The following RELN variants were observed in gnomAD, a reference collection of about 807,000 sequenced individuals.
RELN encodes reelin.
RELN carries 108 observed loss-of-function variants against 427.6 expected under a neutral mutation model. The observed-to-expected ratio is 0.25, with a 90% CI of 0.22 to 0.30. The LOEUF is 0.30. RELN is among the 10% of genes least tolerant of loss of function. RELN has a pLI of 1.00. For synonymous variants in RELN, 1,524 were observed against 1,513.4 expected, an observed-to-expected ratio of 1.01 and a Z score of -0.16; for missense variants, 3,715 against 4,302.8, an observed-to-expected ratio of 0.86 and a Z score of 3.82.
At chr7:103,952,156 C>G (rs1796345965) in intron 1 of RELN, among the ~76,000 whole-genome samples, 1 of 152,140 alleles carries the variant, frequency 6.6e-6, no homozygotes, top group South Asian at 2.1e-4. Context: ...CTTATTTAAC[C>G]AGTAGTTTTG....
chr7:103,929,404 T>C (rs1430216407), intron 1 of RELN, among the ~76,000 whole-genome samples: 2 of 152,142 alleles, frequency 1.3e-5, no homozygotes, highest in East Asian at 3.9e-4. Flanking sequence ...TTCGAATAGC[T>C]AGACTTTCCC....
intron 38 of RELN, among the ~76,000 whole-genome samples, chr7:103,554,234 G>GC (rs1830476227): frequency 7.1e-6 from 1 of 140,062 alleles, no homozygotes. Flanking sequence ...TATACTTTCT[G>GC]GGGGAAAAAA....
chr7:103,794,628 G>T (rs538239847), intron 3 of RELN, among the ~76,000 whole-genome samples: 37 of 152,248 alleles, frequency 2.4e-4, no homozygotes, highest in Middle Eastern at 3.4e-3. Context: ...ATGAAATGAT[G>T]CAATTCCCGA....
chr7:103,794,231 C>G (rs1367280297), intron 3 of RELN, among the ~76,000 whole-genome samples: 1 of 152,158 alleles, frequency 6.6e-6, no homozygotes, highest in African/African-American at 2.4e-5. Flanking sequence ...TTTAGAATCT[C>G]TGGGCTCAAG....
At chr7:103,614,207 G>A (rs967817203) in intron 20 of RELN, among the ~76,000 whole-genome samples, 2 of 152,186 alleles carry the variant, frequency 1.3e-5, no homozygotes, top group African/African-American at 4.8e-5. Flanking sequence ...CTTAGCAACT[G>A]TATCTGTTCA....
chr7:103,588,797 T>C (rs1831339627), intron 28 of RELN, among the ~76,000 whole-genome samples: 1 of 152,048 alleles, frequency 6.6e-6, no homozygotes, highest in Admixed American at 6.6e-5. Context: ...ATAAGAAATC[T>C]CCAAAAATAC....
intron 3 of RELN, among the ~76,000 whole-genome samples, chr7:103,818,804 G>T (rs574722533): frequency 1.3e-5 from 2 of 151,712 alleles, no homozygotes; most frequent in African/African-American, 2.4e-5. Context: ...ATAATGTAAT[G>T]TTAGAGTTTT....
intron 6 of RELN, among the ~76,000 whole-genome samples, chr7:103,745,839 G>A (rs1170447462): frequency 1.3e-5 from 2 of 152,118 alleles, no homozygotes; most frequent in African/African-American, 4.8e-5. Flanking sequence ...TGGCCATACT[G>A]CCCAAGGTAA....
intron 3 of RELN, among the ~76,000 whole-genome samples, chr7:103,786,191 T>C (rs1030192359): frequency 2.6e-5 from 4 of 151,886 alleles, no homozygotes; most frequent in African/African-American, 4.8e-5. Flanking sequence ...TTTAAATACA[T>C]AAAAGTATTA....
chr7:103,787,237 G>A (rs1301490679), intron 3 of RELN, among the ~76,000 whole-genome samples: 1 of 152,028 alleles, frequency 6.6e-6, no homozygotes, highest in East Asian at 1.9e-4. Flanking sequence ...ATGCCCACAG[G>A]AGAAAGCAGG....
intron 24 of RELN, among the ~76,000 whole-genome samples, chr7:103,596,867 C>T (rs1314331665): frequency 6.6e-6 from 1 of 152,186 alleles, no homozygotes; most frequent in Non-Finnish European, 1.5e-5. Context: ...TTAATGTCTA[C>T]ATTACTGATT....
chr7:103,970,003 C>T (rs1796730600), intron 1 of RELN, among the ~76,000 whole-genome samples: 1 of 152,210 alleles, frequency 6.6e-6, no homozygotes, highest in Non-Finnish European at 1.5e-5. Context: ...TCAATACTCA[C>T]AGTCATTTGA....
intron 40 of RELN, among the ~76,000 whole-genome samples, chr7:103,551,653 G>A (rs34712248): frequency 2.0e-5 from 3 of 151,798 alleles, no homozygotes; most frequent in African/African-American, 7.3e-5. Flanking sequence ...CTAACTGTTA[G>A]CTTCCCCCCC....
chr7:103,571,626 T>C (rs1265638882), intron 31 of RELN, among the ~76,000 whole-genome samples: 1 of 152,184 alleles, frequency 6.6e-6, no homozygotes, highest in Non-Finnish European at 1.5e-5. Context: ...CTAATTATAT[T>C]ACTTATGGCA....
In RELN at chr7:103,629,183, C is replaced by T. The variant is rs144701164; in HGVS notation, c.2702+757G>A. ...AGGTAGCTTTCTCCGAGAAGCCTCT[C>T]GGGAGTTTCCTATGTAAAGTAGCCA... On this transcript the variant is annotated intron_variant, in intron 20 of 64. Coordinates refer to ENST00000428762, the MANE Select transcript of RELN (RefSeq NM_005045.4). Among the ~76,000 whole-genome samples the T allele has an allele frequency of 2.8e-4, 42 of 152,252 alleles. No homozygotes were observed. In the East Asian group the frequency reaches 7.1e-3, roughly 26 times the overall value.
rs1832326741 is a variant in RELN, at chr7:103,626,269, A to G, written c.2702+3671T>C. ...TTTGAAATCAGGCCTACGACCTCAAAGCCTATGTTTCTACCACACCATATT... is the reference window on the plus strand; with the variant it reads ...TTTGAAATCAGGCCTACGACCTCAAGGCCTATGTTTCTACCACACCATATT... On this transcript the variant is annotated intron_variant, in intron 20 of 64. Transcript: ENST00000428762. This position sits in a 1 kb window ranked among gnomAD's most constrained non-coding sequence, Gnocchi z 4.4. Among the ~76,000 whole-genome samples, 1 of 152,102 alleles carries G rather than the reference A, an allele frequency of 6.6e-6. No individual in the cohort carries two copies. Among genetic ancestry groups the G allele is most frequent in the Admixed American group, 6.5e-5 (1 of 15,272 alleles).
chr7:103,795,224 A>G (rs73415030), intron 3 of RELN, among the ~76,000 whole-genome samples: 1,759 of 152,348 alleles, frequency 0.012, 37 homozygotes, highest in African/African-American at 0.039. Flanking sequence ...ACTCTGCAGT[A>G]GATATCTATA....
intron 2 of RELN, among the ~76,000 whole-genome samples, chr7:103,896,866 T>C (rs1794972473): frequency 6.6e-6 from 1 of 152,064 alleles, no homozygotes; most frequent in South Asian, 2.1e-4. Context: ...TAAATTACTA[T>C]ATTAGTCTGT....
At chr7:103,613,922 A>C (rs977785203) in intron 20 of RELN, among the ~76,000 whole-genome samples, 3 of 152,218 alleles carry the variant, frequency 2.0e-5, no homozygotes, top group Admixed American at 1.3e-4. Flanking sequence ...TCGTGTCCTC[A>C]TAATTCTATA....
Sources: allele counts gnomAD v4.1 joint callset (sites outside exome capture counted in the v4.1 genomes callset), GRCh38; gene constraint gnomAD v4.1.1; non-coding constraint Gnocchi (gnomAD v3.1); transcripts MANE v1.5; gene names NCBI Gene and HGNC (gene_info 2026-07-23, HGNC 2026-07-21).